The following NCLN variants were observed in gnomAD, a reference collection of about 807,000 sequenced individuals.
NCLN encodes the protein BOS complex subunit NCLN.
In NCLN, 34 loss-of-function variants were observed where a neutral mutation model predicts 69.5. The ratio of observed to expected loss-of-function variants is 0.49; its 90% confidence interval spans 0.37 to 0.65. NCLN has a LOEUF of 0.65. NCLN is among the 30% of genes least tolerant of loss of function. The pLI is 0.00. For synonymous variants in NCLN, 393 were observed against 358.3 expected (o/e 1.10, Z -1.09); for missense variants, 710 against 804.8 (o/e 0.88, Z 1.42).
At chr19:3,194,522 C>T (rs1468592461) in intron 3 of NCLN, among the ~76,000 whole-genome samples, 3 of 152,202 alleles carry the variant, frequency 2.0e-5, no homozygotes, top group Admixed American at 6.5e-5. Context: ...GCACAGTCCA[C>T]GGTGGCTTTC....
intron 13 of NCLN, 64 bp from the exon 14 acceptor site, chr19:3,207,327 G>A: frequency 6.2e-7 from 1 of 1,612,508 alleles, no homozygotes; most frequent in Non-Finnish European, 8.5e-7. Context: ...GCCCACGGGG[G>A]TCTAGGGGTT....
chr19:3,186,119 T>C lies in NCLN; in HGVS notation c.89T>C (p.Leu30Pro). 1 of 1,598,712 alleles carries C rather than the reference T, an allele frequency of 6.3e-7. No homozygotes were observed. The highest frequency in any genetic ancestry group is 8.5e-7 in the Non-Finnish European group (1 of 1,174,718). ...LGFIVFLPAV[L>P]LLVAPPLPAA... ...TTCATCGTCTTCCTGCCCGCTGTGC[T>C]GCTGCTGGTGGCGCCGCCGCTGCCT... Residue 30 changes from leucine to proline, a missense_variant, in exon 1 of 15, where the codon CTG (leucine) becomes CCG (proline). Leu to Pro is a moderately conservative substitution (Grantham distance 98). Transcript: ENST00000246117.
chr19:3,207,695 C>T lies in NCLN; in HGVS notation c.*7C>T, dbSNP rs372603949. The T allele has an allele frequency of 1.4e-5, 22 of 1,610,228 alleles. No individual in the cohort carries two copies. The highest frequency in any genetic ancestry group is 5.3e-5 in the African/African-American group (4 of 74,868). Reference sequence around the variant, plus strand: ...GAAGGCCAAGACACAGTGACACAGCCACCCCCACAGCCGGAGCCCCCGCCG... The same window carrying T: ...GAAGGCCAAGACACAGTGACACAGCTACCCCCACAGCCGGAGCCCCCGCCG... On this transcript the variant is annotated 3_prime_UTR_variant, in exon 15 of 15. Coordinates refer to ENST00000246117, the MANE Select transcript of NCLN (RefSeq NM_020170.4).
intron 3 of NCLN, 101 bp downstream of exon 3, chr19:3,193,529 G>A (rs1006741577): frequency 3.7e-6 from 5 of 1,348,816 alleles, no homozygotes; most frequent in African/African-American, 1.5e-5. Flanking sequence ...TGCTCTCAGC[G>A]TGTGGCATCC....
At chr19:3,196,134 C>A in intron 3 of NCLN, 49 bp from the exon 4 acceptor site, 2 of 1,406,562 alleles carry the variant, frequency 1.4e-6, no homozygotes, top group Non-Finnish European at 1.9e-6. Context: ...TGCCCCCTGG[C>A]TGGGGCCCTG....
At position 3,205,816 on chromosome 19, in the gene NCLN, T is replaced by C. The variant is rs781482148; in HGVS notation, c.1209-123T>C. On this transcript the variant is annotated intron_variant, in intron 9 of 14. Coordinates refer to ENST00000246117, the MANE Select transcript of NCLN (RefSeq NM_020170.4). The surrounding 1 kb of genome is among the most constrained non-coding windows in gnomAD (Gnocchi z 4.6). The stretch of plus-strand genomic sequence containing the variant: ...AAGTAGTTAAAGCTAAGCTTAATTT[T>C]TTTTTTTTTTTAAAGACAGAGTCTC... 4.3e-6 allele frequency: 4 copies of C among 920,482 alleles called. No homozygotes were observed. Among genetic ancestry groups the C allele is most frequent in the Non-Finnish European group, 5.0e-6 (3 of 594,350 alleles). 57.0% of individuals were successfully genotyped at this position (920,482 alleles called of 1,614,324 possible). A position where few individuals can be genotyped will look rare whatever the true frequency, so the allele number is the denominator to read the frequency against.
chr19:3,204,776 C>A (rs1421601732), intron 9 of NCLN, 25 bp downstream of exon 9: 2 of 1,440,830 alleles, frequency 1.4e-6, no homozygotes, highest in Non-Finnish European at 1.8e-6. Context: ...ACCTGCCCGG[C>A]CCCTCCTAGG....
intron 1 of NCLN, among the ~76,000 whole-genome samples, chr19:3,190,957 G>A (rs1915805780): frequency 6.6e-6 from 1 of 152,164 alleles, no homozygotes; most frequent in African/African-American, 2.4e-5. Context: ...TTTTAGAGGG[G>A]CCGGTGCTCT....
At chr19:3,204,815 C>G in intron 9 of NCLN, 64 bp downstream of exon 9, 2 of 1,366,792 alleles carry the variant, frequency 1.5e-6, no homozygotes, top group Middle Eastern at 2.7e-4. Flanking sequence ...CCACTGGTCG[C>G]AACTGCAGAG....
At chr19:3,188,622 C>G (rs1165808695) in intron 1 of NCLN, among the ~76,000 whole-genome samples, 1 of 152,212 alleles carries the variant, frequency 6.6e-6, no homozygotes, top group Admixed American at 6.5e-5. Context: ...TCTGAGTCTT[C>G]TTTTCACTGG....
chr19:3,188,351 G>A (rs992047143), intron 1 of NCLN, among the ~76,000 whole-genome samples: 4 of 152,032 alleles, frequency 2.6e-5, no homozygotes, highest in South Asian at 2.1e-4. Context: ...CCGCAAGTCC[G>A]CCCAGGGAAT....
chr19:3,206,474 G>T, intron 12 of NCLN, 49 bp downstream of exon 12: 5 of 1,512,640 alleles, frequency 3.3e-6, no homozygotes, highest in Non-Finnish European at 4.4e-6. Flanking sequence ...GGCCGAGGGG[G>T]ACCTCCCCCT....
intron 5 of NCLN, among the ~76,000 whole-genome samples, chr19:3,201,128 G>C (rs956493591): frequency 1.3e-5 from 2 of 152,218 alleles, no homozygotes; most frequent in Non-Finnish European, 2.9e-5. Flanking sequence ...TCCCACAGAG[G>C]GGACCCCGCA....
rs1916314068 is a variant in NCLN, at chr19:3,207,802, C to G, written c.*114C>G. ...CCCTGCAGGGACAGGGGCCCTCTCC[C>G]TCCCCGGCGGTGGTTGGAACACTGA... On this transcript the variant is annotated 3_prime_UTR_variant, in exon 15 of 15. Transcript: ENST00000246117. The G allele has an allele frequency of 1.2e-6, 1 of 836,160 alleles. No homozygotes were observed. Among genetic ancestry groups the G allele is most frequent in the Non-Finnish European group, 2.0e-6 (1 of 501,932 alleles). The allele number at this position is 836,160 out of a possible 1,614,324, so 51.8% of individuals were successfully genotyped here.
Position 3,198,835 on chromosome 19 carries a change from G to C in NCLN, c.634G>C (p.Gly212Arg), listed in dbSNP as rs1916044982. The change falls in exon 5 of 15, where the codon GGC becomes CGC. Residue 212 changes from glycine to arginine, a missense_variant. Gly to Arg is a moderately radical substitution (Grantham distance 125). Coordinates refer to ENST00000246117, the MANE Select transcript of NCLN (RefSeq NM_020170.4). Reference sequence around the variant, plus strand: ...TCCACAGGGGCGGCTGACGGGGCTGGGCGGAGAGGACCTTCCCACCATCGT... The same window carrying C: ...TCCACAGGGGCGGCTGACGGGGCTGCGCGGAGAGGACCTTCCCACCATCGT... Reference protein sequence around the residue: ...ASVEGRLTGLGGEDLPTIVIV... With the variant: ...ASVEGRLTGLRGEDLPTIVIV... 6.3e-7 allele frequency: 1 copy of C among 1,576,700 alleles called. No individual in the cohort carries two copies. Among genetic ancestry groups the C allele is most frequent in the Non-Finnish European group, 8.6e-7 (1 of 1,162,328 alleles).
intron 8 of NCLN, 112 bp downstream of exon 8, chr19:3,204,256 G>A: frequency 7.7e-7 from 1 of 1,297,084 alleles, no homozygotes; most frequent in Non-Finnish European, 1.0e-6. Context: ...CAGGCTCTGA[G>A]GGCCACACTG....
At chr19:3,186,297 T>C in intron 1 of NCLN, 83 bp downstream of exon 1, 2 of 1,337,788 alleles carry the variant, frequency 1.5e-6, no homozygotes, top group East Asian at 6.2e-5. Context: ...GGCCGATCCC[T>C]AGCTCCGGCC....
chr19:3,198,198 C>A (rs1326333030), intron 4 of NCLN, among the ~76,000 whole-genome samples: 4 of 152,268 alleles, frequency 2.6e-5, no homozygotes, highest in African/African-American at 9.6e-5. Context: ...GGGGCTCAGC[C>A]CCGTTCCTAT....
In NCLN at chr19:3,198,350, AC is replaced by A. The variant is rs113875921; in HGVS notation, c.616-466del. ...TGAAACCCCGTCTCTACTAAAAAGT[AC>A]AAAAAATTAGCCGGATGTGGTGGCG... On this transcript the variant is annotated intron_variant, in intron 4 of 14. Transcript: ENST00000246117. Among the ~76,000 whole-genome samples, 973 of 152,114 alleles carry A rather than the reference AC, an allele frequency of 6.4e-3. 12 individuals carry two copies. Among genetic ancestry groups the A allele is most frequent in the African/African-American group, 0.022 (927 of 41,514 alleles).
Sources: allele counts gnomAD v4.1 joint callset (sites outside exome capture counted in the v4.1 genomes callset), GRCh38; gene constraint gnomAD v4.1.1; non-coding constraint Gnocchi (gnomAD v3.1); transcripts MANE v1.5; gene names NCBI Gene and HGNC (gene_info 2026-07-23, HGNC 2026-07-21).